Variants in ZNF366 observed in about 807,000 individuals in gnomAD.
ZNF366 encodes the protein dendritic cell-specific transcript protein.
A neutral mutation model predicts 47.2 loss-of-function variants in ZNF366; 20 were observed. The observed-to-expected ratio is 0.42, with a 90% confidence interval of 0.30 to 0.62. The LOEUF (loss-of-function observed/expected upper bound fraction) is 0.62, where lower values mean the gene tolerates loss of function less well. Among genes scored for constraint, ZNF366 ranks in the 20% least tolerant of loss-of-function variants. The pLI, the probability that ZNF366 is intolerant of heterozygous loss-of-function variation, is 0.16. For synonymous variants in ZNF366, 421 were observed against 395.1 expected, an observed-to-expected ratio of 1.07 and a Z score of -0.78; for missense variants, 987 against 976.3, an observed-to-expected ratio of 1.01 and a Z score of -0.15.
Position 72,478,146 on chromosome 5 carries a change from T to C in ZNF366, c.-14-16636A>G, listed in dbSNP as rs532614043. 4.2e-4 allele frequency among the ~76,000 whole-genome samples: 64 copies of C among 152,294 alleles called. 1 individual carries two copies. The South Asian group carries it at 0.012, about 30-fold the overall frequency. On this transcript the variant is annotated intron_variant, in intron 1 of 4. Transcript: ENST00000318442. ...CAGGGGAAAGCCTCCAAGGGCGTCA[T>C]GGCTCCCAGGAGTTTGTGAGCTGGG...
intron 3 of ZNF366, among the ~76,000 whole-genome samples, chr5:72,452,482 C>G (rs1743094179): frequency 1.3e-5 from 2 of 152,210 alleles, no homozygotes; most frequent in South Asian, 2.1e-4. Flanking sequence ...GCCTTAACCC[C>G]CTCCATGCCA....
In ZNF366 at chr5:72,444,145, A is replaced by T. The variant is rs1742912401; in HGVS notation, c.1846T>A (p.Cys616Ser). The T allele has an allele frequency of 5.6e-6, 9 of 1,613,722 alleles. No homozygotes were observed. The East Asian group carries it at 2.0e-4, about 36-fold the overall frequency. ...SDGESAQGSH[C>S]HEEEEEDNCY... is the part of the protein sequence containing the mutation. ...TTATCCTCCTCTTCCTCCTCGTGGC[A>T]GTGGCTGCCCTGGGCACTCTCCCCG... Residue 616 changes from cysteine to serine, a missense_variant, in exon 5 of 5, where the codon TGC becomes AGC. Cys to Ser is a moderately radical substitution (Grantham distance 112). Coordinates refer to ENST00000318442, the MANE Select transcript of ZNF366 (RefSeq NM_152625.3).
intron 1 of ZNF366, among the ~76,000 whole-genome samples, chr5:72,494,646 C>G (rs1473540583): frequency 1.3e-5 from 2 of 149,634 alleles, no homozygotes; most frequent in African/African-American, 4.9e-5. Flanking sequence ...GGCTACTATC[C>G]ATGACTGAGA....
At chr5:72,483,278 C>T (rs1205945003) in intron 1 of ZNF366, among the ~76,000 whole-genome samples, 1 of 152,182 alleles carries the variant, frequency 6.6e-6, no homozygotes, top group Non-Finnish European at 1.5e-5. Flanking sequence ...CATCCTCTAT[C>T]ATGATGTTTG....
intron 4 of ZNF366, 31 bp from the exon 5 acceptor site, chr5:72,444,322 T>C: frequency 6.3e-7 from 1 of 1,576,072 alleles, no homozygotes; most frequent in Non-Finnish European, 8.6e-7. Flanking sequence ...TTCATGCACC[T>C]GAGGAAATGC....
chr5:72,453,915 C>A (rs1364658466), intron 3 of ZNF366, among the ~76,000 whole-genome samples: 1 of 152,176 alleles, frequency 6.6e-6, no homozygotes, highest in Non-Finnish European at 1.5e-5. Flanking sequence ...TTCTTTTTGT[C>A]TGATGATAGA....
At chr5:72,449,496 C>A (rs1743020803) in intron 3 of ZNF366, among the ~76,000 whole-genome samples, 1 of 152,222 alleles carries the variant, frequency 6.6e-6, no homozygotes, top group Non-Finnish European at 1.5e-5. Context: ...CTCAGCCTCC[C>A]AAAGTGCTGG....
chr5:72,441,779 C>T lies in ZNF366; in HGVS notation c.*1977G>A, dbSNP rs1252218805. 1 of 152,224 alleles carries T rather than the reference C, an allele frequency of 6.6e-6. No homozygotes were observed. The highest frequency in any genetic ancestry group is 6.5e-5 in the Admixed American group (1 of 15,288). 9.4% of individuals were successfully genotyped at this position (152,224 alleles called of 1,614,324 possible). Reference sequence around the variant, plus strand: ...CTGGGAAATCTGGGATAGGATGAAGCACAATAATAACCAGTACCTAGCTCT... The same window carrying T: ...CTGGGAAATCTGGGATAGGATGAAGTACAATAATAACCAGTACCTAGCTCT... On this transcript the variant is annotated 3_prime_UTR_variant, in exon 5 of 5. Coordinates refer to ENST00000318442, the MANE Select transcript of ZNF366 (RefSeq NM_152625.3).
chr5:72,480,626 T>C (rs1208811045), intron 1 of ZNF366, among the ~76,000 whole-genome samples: 1 of 152,222 alleles, frequency 6.6e-6, no homozygotes, highest in African/African-American at 2.4e-5. Flanking sequence ...TCATTTATAC[T>C]GATTGAAGAA....
intron 1 of ZNF366, among the ~76,000 whole-genome samples, chr5:72,477,047 G>C (rs1743688265): frequency 6.6e-6 from 1 of 152,048 alleles, no homozygotes; most frequent in South Asian, 2.1e-4. Context: ...AGACAAAGTG[G>C]AACTGCTGGT....
rs1743211874 is a variant in ZNF366, at chr5:72,457,307, CCTTA to C, written c.1333-716_1333-713del. On this transcript the variant is annotated intron_variant, in intron 2 of 4. Coordinates refer to ENST00000318442, the MANE Select transcript of ZNF366 (RefSeq NM_152625.3). The stretch of plus-strand genomic sequence containing the variant: ...CATGAAGGTGTGTTTGAACCAAGGC[CCTTA>C]ATTGAGAGCATTTCCAGGGACTCAC... Among the ~76,000 whole-genome samples the C allele has an allele frequency of 2.0e-5, 3 of 152,240 alleles. No homozygotes were observed. The South Asian group carries it at 6.2e-4, about 32-fold the overall frequency.
chr5:72,477,937 G>A (rs1358141808), intron 1 of ZNF366, among the ~76,000 whole-genome samples: 1 of 151,976 alleles, frequency 6.6e-6, no homozygotes, highest in Non-Finnish European at 1.5e-5. Context: ...TCTGCTCTTA[G>A]TCATGACATA....
intron 1 of ZNF366, among the ~76,000 whole-genome samples, chr5:72,478,143 T>A (rs1743712659): frequency 1.3e-5 from 2 of 152,142 alleles, no homozygotes; most frequent in African/African-American, 4.8e-5. Context: ...TCCAAGGGCG[T>A]CATGGCTCCC....
At chr5:72,458,085 C>T (rs183123056) in intron 2 of ZNF366, among the ~76,000 whole-genome samples, 1,369 of 134,850 alleles carry the variant, frequency 0.01, 31 homozygotes, top group African/African-American at 0.035. Flanking sequence ...GGCGTGGTCT[C>T]GGCTCACTGC....
intron 1 of ZNF366, among the ~76,000 whole-genome samples, chr5:72,502,866 G>C (rs1744238656): frequency 6.6e-6 from 1 of 152,192 alleles, no homozygotes; most frequent in South Asian, 2.1e-4. Context: ...GCTCATGCCT[G>C]TAATCCCAGC....
Position 72,443,388 on chromosome 5 carries a change from C to A in ZNF366, c.*368G>T. 5.6e-6 allele frequency: 1 copy of A among 179,982 alleles called. No individual in the cohort carries two copies. The highest frequency in any genetic ancestry group is 1.5e-4 in the East Asian group (1 of 6,840). The allele number at this position is 179,982 out of a possible 1,614,324, so 11.1% of individuals were successfully genotyped here. On this transcript the variant is annotated 3_prime_UTR_variant, in exon 5 of 5. Coordinates refer to ENST00000318442, the MANE Select transcript of ZNF366 (RefSeq NM_152625.3). Reference sequence around the variant, plus strand: ...CTAAATAGTTATTAATAAGGTGACACCTCAAGCACCATATTTTTGCAATTA... The same window carrying A: ...CTAAATAGTTATTAATAAGGTGACAACTCAAGCACCATATTTTTGCAATTA...
At chr5:72,461,982 T>C (rs189611751) in intron 1 of ZNF366, among the ~76,000 whole-genome samples, 4 of 152,354 alleles carry the variant, frequency 2.6e-5, no homozygotes, top group African/African-American at 9.6e-5. Context: ...CATCTACTAA[T>C]GGTGATTGGA....
chr5:72,444,101 G>T lies in ZNF366; in HGVS notation c.1890C>A (p.Pro630=), dbSNP rs555253213. 1 of 1,614,074 alleles carries T rather than the reference G, an allele frequency of 6.2e-7. No individual in the cohort carries two copies. Among genetic ancestry groups the T allele is most frequent in the Non-Finnish European group, 8.5e-7 (1 of 1,180,020 alleles). The change falls in exon 5 of 5, where the codon CCC becomes CCA. Residue 630 remains proline (P), a synonymous_variant. Coordinates refer to ENST00000318442, the MANE Select transcript of ZNF366 (RefSeq NM_152625.3). ...TCTGGGGGGCCAGGCCAGGGCTGTAGGGCTCCACCTCGTAGCAGTTATCCT... is the reference window on the plus strand; with the variant it reads ...TCTGGGGGGCCAGGCCAGGGCTGTATGGCTCCACCTCGTAGCAGTTATCCT... ...EEEDNCYEVE[P]YSPGLAPQSQ... is the part of the protein sequence containing the mutation.
chr5:72,456,224 C>G (rs148150790), intron 3 of ZNF366, among the ~76,000 whole-genome samples, 180 bp downstream of exon 3: 4 of 152,176 alleles, frequency 2.6e-5, no homozygotes, highest in Admixed American at 6.5e-5. Flanking sequence ...TCCAGCCTGG[C>G]ATGATGTAAG....
Sources: allele counts gnomAD v4.1 joint callset (sites outside exome capture counted in the v4.1 genomes callset), GRCh38; gene constraint gnomAD v4.1.1; transcripts MANE v1.5; gene names NCBI Gene and HGNC (gene_info 2026-07-23, HGNC 2026-07-21).